Variants in TCEA2 observed in about 807,000 individuals in gnomAD.
TCEA2 encodes transcription elongation factor A2.
TCEA2 carries 21 observed loss-of-function variants against 40.8 expected under a neutral mutation model. That is an observed-to-expected ratio of 0.51 (90% CI 0.36 to 0.74). TCEA2 has a LOEUF of 0.74. Among genes scored for constraint, TCEA2 ranks in the 30% least tolerant of loss-of-function variants. The pLI is 0.00. For synonymous variants in TCEA2, 165 were observed against 162.7 expected (o/e 1.01, Z -0.11); for missense variants, 326 against 426.5 (o/e 0.76, Z 2.08).
At chr20:64,069,605 A>G in intron 5 of TCEA2, 114 bp downstream of exon 5, 1 of 1,542,828 alleles carries the variant, frequency 6.5e-7, no homozygotes, top group Non-Finnish European at 8.8e-7. Context: ...CCCCCAGCCC[A>G]TTGCTGTGGC....
At position 64,070,228 on chromosome 20, in the gene TCEA2, T is replaced by A. The variant is rs751979104; in HGVS notation, c.518-32T>A. ...GGTGGTAGGTGGAGGGCAGCGACGTTGTCCTCAGGTGGGTCCTTAAAACAC... is the reference window on the plus strand; with the variant it reads ...GGTGGTAGGTGGAGGGCAGCGACGTAGTCCTCAGGTGGGTCCTTAAAACAC... On this transcript the variant is annotated intron_variant, in intron 6 of 9. Coordinates refer to ENST00000343484, the MANE Select transcript of TCEA2 (RefSeq NM_003195.6). 4.4e-6 allele frequency: 7 copies of A among 1,606,066 alleles called. No individual in the cohort carries two copies. The South Asian group carries it at 7.7e-5, about 18-fold the overall frequency.
At chr20:64,066,432 T>C in intron 1 of TCEA2, 44 bp from the exon 2 acceptor site, 1 of 1,601,888 alleles carries the variant, frequency 6.2e-7, no homozygotes, top group Non-Finnish European at 8.6e-7. Context: ...ATATTGTCTG[T>C]TGAGATCTAA....
upstream of TCEA2, among the ~76,000 whole-genome samples, chr20:64,059,877 G>A (rs907803568): frequency 1.3e-5 from 2 of 152,130 alleles, no homozygotes; most frequent in African/African-American, 4.8e-5. Context: ...GGGCGTCTGT[G>A]TGCACTCCTT....
chr20:64,071,792 C>T (rs1200306516), intron 8 of TCEA2, 78 bp from the exon 9 acceptor site: 32 of 1,548,366 alleles, frequency 2.1e-5, no homozygotes, highest in South Asian at 1.2e-4. Context: ...CTGCGAGGCC[C>T]GCACTGCCCA....
At position 64,072,236 on chromosome 20, in the gene TCEA2, G is replaced by A; in HGVS notation, c.*56G>A. ...CCCTCCCCGGCCCACGTCCTCCGTT[G>A]ACACAGCTTCTCTGGAGACCCTAGA... On this transcript the variant is annotated 3_prime_UTR_variant, in exon 10 of 10. Coordinates refer to ENST00000343484, the MANE Select transcript of TCEA2 (RefSeq NM_003195.6). 6.3e-7 allele frequency: 1 copy of A among 1,589,056 alleles called. No homozygotes were observed. The highest frequency in any genetic ancestry group is 1.1e-5 in the South Asian group (1 of 89,838).
intron 9 of TCEA2, 37 bp downstream of exon 9, chr20:64,071,978 AT>A (rs1569257459): frequency 6.2e-7 from 1 of 1,612,976 alleles, no homozygotes; most frequent in Non-Finnish European, 8.5e-7. Flanking sequence ...TCCCAGCTCC[AT>A]TCTCTGGAGG....
chr20:64,063,624 C>T (rs1301925502), intron 1 of TCEA2: 2 of 546,604 alleles, frequency 3.7e-6, no homozygotes, highest in Non-Finnish European at 6.4e-6. Context: ...GGACCTTGTC[C>T]CGGGAGAGCC....
chr20:64,069,101 C>T (rs2059764203), intron 4 of TCEA2, among the ~76,000 whole-genome samples: 1 of 152,264 alleles, frequency 6.6e-6, no homozygotes, highest in Admixed American at 6.5e-5. Flanking sequence ...GTCTGGGATC[C>T]TGTTCCCACC....
At position 64,072,168 on chromosome 20, in the gene TCEA2, G is replaced by A. The variant is rs374303432; in HGVS notation, c.892-4G>A. 2 of 1,613,532 alleles carry A rather than the reference G, an allele frequency of 1.2e-6. No individual in the cohort carries two copies. The highest frequency in any genetic ancestry group is 1.7e-6 in the Non-Finnish European group (2 of 1,179,810). On this transcript the variant is annotated splice_polypyrimidine_tract_variant and splice_region_variant and intron_variant, in intron 9 of 9. Transcript: ENST00000343484. The stretch of plus-strand genomic sequence containing the variant: ...GGCTGGAGGCCTCACCCCCTTTCTC[G>A]CAGTTCTGCTGACCCCTCGTGTAGA...
chr20:64,064,952 G>T (rs2059653367), intron 1 of TCEA2, among the ~76,000 whole-genome samples: 1 of 152,074 alleles, frequency 6.6e-6, no homozygotes, highest in Non-Finnish European at 1.5e-5. Context: ...TGGAGCCAGG[G>T]GAGGGCTGGG....
chr20:64,061,872 G>A (rs184376732), upstream of TCEA2, among the ~76,000 whole-genome samples: 1 of 151,836 alleles, frequency 6.6e-6, no homozygotes, highest in East Asian at 1.9e-4. Flanking sequence ...GAGATTACAG[G>A]TGCCCGGCAC....
Position 64,063,264 on chromosome 20 carries a change from G to C in TCEA2, c.-49G>C, listed in dbSNP as rs957541806. The C allele has an allele frequency of 1.3e-6, 2 of 1,498,350 alleles. No individual in the cohort carries two copies. Among genetic ancestry groups the C allele is most frequent in the East Asian group, 2.8e-5 (1 of 35,248 alleles). 92.8% of individuals were successfully genotyped at this position (1,498,350 alleles called of 1,614,324 possible). On this transcript the variant is annotated 5_prime_UTR_variant, in exon 1 of 10. Coordinates refer to ENST00000343484, the MANE Select transcript of TCEA2 (RefSeq NM_003195.6). ...GACGGCCGGGGCCGGGGTCCTGCCCGGCTGCGGAGGCGGGCGCGACGGGCG... is the reference window on the plus strand; with the variant it reads ...GACGGCCGGGGCCGGGGTCCTGCCCCGCTGCGGAGGCGGGCGCGACGGGCG...
Position 64,069,755 on chromosome 20 carries a change from C to G in TCEA2, c.461-10C>G, listed in dbSNP as rs770481721. 6.2e-7 allele frequency: 1 copy of G among 1,608,440 alleles called. No homozygotes were observed. The highest frequency in any genetic ancestry group is 1.1e-5 in the South Asian group (1 of 90,880). ...CAGTGGGGGAAGCTAGTCAGGGCTC[C>G]CTCTTGCAGATGACCACGTGGCCAT... On this transcript the variant is annotated splice_polypyrimidine_tract_variant and intron_variant, in intron 5 of 9. Coordinates refer to ENST00000343484, the MANE Select transcript of TCEA2 (RefSeq NM_003195.6).
upstream of TCEA2, among the ~76,000 whole-genome samples, chr20:64,059,054 G>A (rs2059513204): frequency 6.6e-6 from 1 of 152,124 alleles, no homozygotes; most frequent in Admixed American, 6.5e-5. Context: ...TTAGCCGGGT[G>A]TGGTGGCGCA....
upstream of TCEA2, among the ~76,000 whole-genome samples, chr20:64,056,394 A>G (rs546159844): frequency 5.3e-5 from 8 of 152,104 alleles, no homozygotes; most frequent in South Asian, 8.3e-4. Context: ...GGGGCATCCA[A>G]GGGAGGCCTG....
chr20:64,059,784 A>G (rs748766713), upstream of TCEA2, among the ~76,000 whole-genome samples: 3 of 152,094 alleles, frequency 2.0e-5, no homozygotes, highest in Non-Finnish European at 2.9e-5. Context: ...CAGATATTTA[A>G]AAGCATCCCT....
At chr20:64,063,655 C>T (rs2059620393) in intron 1 of TCEA2, 1 of 502,216 alleles carries the variant, frequency 2.0e-6, no homozygotes, top group Non-Finnish European at 3.5e-6. Flanking sequence ...GACTCAGACC[C>T]CTCCCTCGCC....
At chr20:64,068,016 T>A in intron 3 of TCEA2, 31 bp from the exon 4 acceptor site, 1 of 1,567,240 alleles carries the variant, frequency 6.4e-7, no homozygotes, top group African/African-American at 1.4e-5. Context: ...CTGCCTCCCC[T>A]TGATCAGCCC....
Position 64,066,546 on chromosome 20 carries a change from C to G in TCEA2, c.135+8C>G. ...ACGCTGCACCTGCTCCAGGTAGGTC[C>G]CTGCCTGCCCCAGGTCCAGGACAGC... is the stretch of plus-strand genomic sequence containing the variant. On this transcript the variant is annotated splice_region_variant and intron_variant, in intron 2 of 9. Transcript: ENST00000343484. 1.2e-6 allele frequency: 2 copies of G among 1,612,956 alleles called. No individual in the cohort carries two copies. The highest frequency in any genetic ancestry group is 1.1e-5 in the South Asian group (1 of 91,056).
Sources: gnomAD v4.1 joint callset for allele counts (sites outside exome capture counted in the v4.1 genomes callset) on GRCh38, gnomAD v4.1.1 for gene constraint, MANE v1.5 for transcripts, NCBI Gene and HGNC (gene_info 2026-07-23, HGNC 2026-07-21) for gene names.